DAZL: variants seen among roughly 807,000 people sequenced by gnomAD.
DAZL encodes the protein deleted in azoospermia like.
DAZL carries 4 observed loss-of-function variants against 45.0 expected under a neutral mutation model. The ratio of observed to expected loss-of-function variants is 0.09; its 90% CI spans 0.04 to 0.20. The LOEUF (loss-of-function observed/expected upper bound fraction) is 0.20, where lower values mean the gene tolerates loss of function less well. Ranked by LOEUF, DAZL falls within the 10% of genes least tolerant of loss-of-function variation. The pLI, the probability that DAZL is intolerant of heterozygous loss-of-function variation, is 1.00. For missense variants in DAZL, 326 were observed against 351.3 expected (o/e 0.93, Z 0.58); for synonymous variants, 122 against 112.4 (o/e 1.09, Z -0.54).
At chr3:16,604,566 A>G in intron 1 of DAZL, 1 of 1,432,690 alleles carries the variant, frequency 7.0e-7, no homozygotes, top group South Asian at 1.5e-5. Flanking sequence ...CAGCCCCCTC[A>G]GCTACAGGGC....
At chr3:16,604,536 G>C in intron 1 of DAZL, 1 of 1,467,690 alleles carries the variant, frequency 6.8e-7, no homozygotes, top group Non-Finnish European at 9.0e-7. Context: ...GGCGCGAGGG[G>C]ACCAGAGGCA....
At chr3:16,589,512 T>C (rs959154945) in intron 10 of DAZL, among the ~76,000 whole-genome samples, 2 of 152,088 alleles carry the variant, frequency 1.3e-5, no homozygotes, top group African/African-American at 4.8e-5. Context: ...TCTTCACAGG[T>C]CACGCAGGAA....
At chr3:16,598,394 C>G (rs1202141496) in intron 2 of DAZL, 58 bp downstream of exon 2, 1 of 1,592,046 alleles carries the variant, frequency 6.3e-7, no homozygotes, top group Non-Finnish European at 8.6e-7. Flanking sequence ...TGTAACAGGG[C>G]CCAAATCCCA....
At chr3:16,605,135 A>G in intron 1 of DAZL, 68 bp downstream of exon 1, 1 of 1,602,828 alleles carries the variant, frequency 6.2e-7, no homozygotes, top group Middle Eastern at 1.7e-4. Flanking sequence ...CCGACCCTGC[A>G]GAGCCGAGTT....
intron 9 of DAZL, among the ~76,000 whole-genome samples, chr3:16,592,908 T>C (rs1309003661): frequency 6.6e-6 from 1 of 152,136 alleles, no homozygotes; most frequent in African/African-American, 2.4e-5. Context: ...AGAGAACATA[T>C]GTGATTCAAG....
At chr3:16,598,787 CTTT>C (rs367758271) in intron 1 of DAZL, among the ~76,000 whole-genome samples, 189 bp from the exon 2 acceptor site, 3 of 136,740 alleles carry the variant, frequency 2.2e-5, no homozygotes, top group Non-Finnish European at 3.1e-5. Flanking sequence ...GGATATAGTA[CTTT>C]TTTTTTTTTT....
At chr3:16,594,663 G>C (rs1694570261) in intron 7 of DAZL, 80 bp from the exon 8 acceptor site, 1 of 916,886 alleles carries the variant, frequency 1.1e-6, no homozygotes, top group Non-Finnish European at 1.6e-6. Context: ...ACACAATATT[G>C]AAGTACTTAT....
intron 4 of DAZL, among the ~76,000 whole-genome samples, chr3:16,597,270 C>A (rs571530509): frequency 3.4e-4 from 51 of 152,104 alleles, no homozygotes; most frequent in Non-Finnish European, 5.6e-4. Flanking sequence ...CTTTTCATTA[C>A]CCTGCCCTGT....
At position 16,586,828 on chromosome 3, in the gene DAZL, C is replaced by T. The variant is rs1254737192; in HGVS notation, c.*1832G>A. On this transcript the variant is annotated 3_prime_UTR_variant, in exon 11 of 11. Transcript: ENST00000399444. ...AAAACTTTATTTTTATTCATGTATG[C>T]AAAGACAGTATCAGCAATAGGCAGA... 3 of 152,074 alleles carry T rather than the reference C, an allele frequency of 2.0e-5. No individual in the cohort carries two copies. The highest frequency in any genetic ancestry group is 4.4e-5 in the Non-Finnish European group (3 of 67,994). The allele number at this position is 152,074 out of a possible 1,614,324, so 9.4% of individuals were successfully genotyped here.
In DAZL at chr3:16,596,811, G is replaced by C; in HGVS notation, c.437C>G (p.Pro146Arg). 6.2e-7 allele frequency: 1 copy of C among 1,613,674 alleles called. No homozygotes were observed. The highest frequency in any genetic ancestry group is 1.7e-5 in the Admixed American group (1 of 60,010). The change falls in exon 6 of 11, where the codon CCA (proline) becomes CGA (arginine). Residue 146 changes from proline to arginine, a missense_variant. Transcript: ENST00000399444. ...GGGCTGCATATAAGTTTCAGTGTTTGGATTAGTCCAGACATTCTGAAACTG... is the reference window on the plus strand; with the variant it reads ...GGGCTGCATATAAGTTTCAGTGTTTCGATTAGTCCAGACATTCTGAAACTG... Reference protein sequence around the residue: ...PPQFQNVWTNPNTETYMQPTT... With the variant: ...PPQFQNVWTNRNTETYMQPTT...
intron 1 of DAZL, among the ~76,000 whole-genome samples, chr3:16,600,885 T>C (rs1202351935): frequency 6.6e-6 from 1 of 152,172 alleles, no homozygotes; most frequent in Non-Finnish European, 1.5e-5. Context: ...TGGGGAAGAT[T>C]TTTGAGCCCT....
rs1411917761 is a variant in DAZL, at chr3:16,588,841, T to C, written c.835-128A>G. ...ACATTATAAATAATGAGAAAAAAGA[T>C]TATTCTTTTTGAGAAGCATTCTTGA... On this transcript the variant is annotated intron_variant, in intron 10 of 10. Transcript: ENST00000399444. 13 of 738,454 alleles carry C rather than the reference T, an allele frequency of 1.8e-5. No individual in the cohort carries two copies. In the East Asian group the frequency reaches 3.6e-4, roughly 20 times the overall value. 45.7% of individuals were successfully genotyped at this position (738,454 alleles called of 1,614,324 possible). A position where few individuals can be genotyped will look rare whatever the true frequency, so the allele number is the denominator to read the frequency against.
intron 1 of DAZL, among the ~76,000 whole-genome samples, chr3:16,599,646 C>A (rs1384870562): frequency 6.6e-6 from 1 of 152,132 alleles, no homozygotes; most frequent in Non-Finnish European, 1.5e-5. Flanking sequence ...TCTTTATTTT[C>A]AGATAAAGAA....
chr3:16,598,647 A>T (rs767465191), intron 1 of DAZL, 49 bp from the exon 2 acceptor site: 2 of 1,541,408 alleles, frequency 1.3e-6, no homozygotes, highest in East Asian at 4.7e-5. Flanking sequence ...GGAAAAACCT[A>T]TACATAATGT....
At position 16,605,381 on chromosome 3, in the gene DAZL, G is replaced by T; in HGVS notation, c.-176C>A. The T allele has an allele frequency of 5.3e-6, 4 of 758,058 alleles. No individual in the cohort carries two copies. Among genetic ancestry groups the T allele is most frequent in the Non-Finnish European group, 9.1e-6 (4 of 437,854 alleles). The allele number at this position is 758,058 out of a possible 1,614,324, so 47.0% of individuals were successfully genotyped here. Reference sequence around the variant, plus strand: ...CAAGAGCGGGTGACAAGGCTGAGGAGCCCCGAAAGGCGGACCGTCAGGCTG... The same window carrying T: ...CAAGAGCGGGTGACAAGGCTGAGGATCCCCGAAAGGCGGACCGTCAGGCTG... On this transcript the variant is annotated 5_prime_UTR_variant, in exon 1 of 11. Coordinates refer to ENST00000399444, the MANE Select transcript of DAZL (RefSeq NM_001351.4).
rs377732428 is a variant in DAZL at position 16,587,079 on chromosome 3, T to C, written c.*1581A>G. The C allele has an allele frequency of 1.3e-5, 2 of 152,172 alleles. No individual in the cohort carries two copies. The highest frequency in any genetic ancestry group is 2.4e-5 in the African/African-American group (1 of 41,446). The allele number at this position is 152,172 out of a possible 1,614,324, so 9.4% of individuals were successfully genotyped here. ...CAGAATGATATGTGTCAGAATGTTA[T>C]AGCACCAAAAAAACTACAGATCATT... On this transcript the variant is annotated 3_prime_UTR_variant, in exon 11 of 11. Coordinates refer to ENST00000399444, the MANE Select transcript of DAZL (RefSeq NM_001351.4).
intron 9 of DAZL, among the ~76,000 whole-genome samples, chr3:16,592,439 G>A (rs1175799248): frequency 6.6e-6 from 1 of 151,572 alleles, no homozygotes; most frequent in Non-Finnish European, 1.5e-5. Flanking sequence ...ATAGTGGCGG[G>A]TGCCTGTAAT....
At chr3:16,594,610 A>C in intron 7 of DAZL, 27 bp from the exon 8 acceptor site, 1 of 1,526,816 alleles carries the variant, frequency 6.5e-7, no homozygotes, top group Non-Finnish European at 8.8e-7. Context: ...AGGAAACCAA[A>C]ATTATTCAAA....
At chr3:16,604,802 G>T in intron 1 of DAZL, 3 of 1,319,610 alleles carry the variant, frequency 2.3e-6, no homozygotes, top group Non-Finnish European at 2.9e-6. Context: ...GGGGAGGGGC[G>T]GAGGCGCGTG....
Sources: allele counts gnomAD v4.1 joint callset (sites outside exome capture counted in the v4.1 genomes callset), GRCh38; gene constraint gnomAD v4.1.1; transcripts MANE v1.5; gene names NCBI Gene and HGNC (gene_info 2026-07-23, HGNC 2026-07-21).